Variants in GRM7 observed in about 807,000 individuals in gnomAD.
The protein encoded by GRM7 is glutamate metabotropic receptor 7.
A neutral mutation model predicts 84.5 loss-of-function variants in GRM7; 35 were observed. That is an observed-to-expected ratio of 0.41 (90% CI 0.32 to 0.55). The LOEUF (loss-of-function observed/expected upper bound fraction) is 0.55, where lower values mean the gene tolerates loss of function less well. GRM7 is among the 20% of genes least tolerant of loss of function. The pLI, the probability that GRM7 is intolerant of heterozygous loss-of-function variation, is 0.19. For missense variants in GRM7, 1,003 were observed against 1,194.6 expected, an observed-to-expected ratio of 0.84 and a Z score of 2.36; for synonymous variants, 487 against 455.1, an observed-to-expected ratio of 1.07 and a Z score of -0.89.
rs981431763 is a variant in GRM7, at chr3:7,741,329, C to T, written c.*923C>T. On this transcript the variant is annotated 3_prime_UTR_variant, in exon 10 of 10. Transcript: ENST00000357716. ...GAGGTTTTGTTCATGCCCCCTTTGA[C>T]TGATCAGTGTGATAAGGACTTTAGG... 5 of 152,442 alleles carry T rather than the reference C, an allele frequency of 3.3e-5. No individual in the cohort carries two copies. The highest frequency in any genetic ancestry group is 2.6e-4 in the Admixed American group (4 of 15,262). 9.4% of individuals were successfully genotyped at this position (152,442 alleles called of 1,614,324 possible). A position where few individuals can be genotyped will look rare whatever the true frequency, so the allele number is the denominator to read the frequency against.
chr3:7,520,125 TC>T (rs1700540013), intron 7 of GRM7: 1 of 151,982 alleles, frequency 6.6e-6, no homozygotes, highest in Admixed American at 6.6e-5. Context: ...ATAATCTTTA[TC>T]CCCCACCCAG....
chr3:7,134,655 A>C lies in GRM7; in HGVS notation c.520-11797A>C, dbSNP rs377634318. 2.6e-5 allele frequency among the ~76,000 whole-genome samples: 4 copies of C among 152,284 alleles called. No homozygotes were observed. The East Asian group carries it at 5.8e-4, about 22-fold the overall frequency. On this transcript the variant is annotated intron_variant, in intron 1 of 9. Transcript: ENST00000357716. Reference sequence around the variant, plus strand: ...ACTTGGACCAGCATCTGGATTCTGAAGTACAGCCATGTCTCCCTAAACCGC... The same window carrying C: ...ACTTGGACCAGCATCTGGATTCTGACGTACAGCCATGTCTCCCTAAACCGC...
Position 7,516,372 on chromosome 3 carries a change from G to T in GRM7, c.1515+54650G>T, listed in dbSNP as rs1700384049. On this transcript the variant is annotated intron_variant, in intron 7 of 9. Coordinates refer to ENST00000357716, the MANE Select transcript of GRM7 (RefSeq NM_000844.4). ...TGCGCCTGTAGTCCCAGCTACTTGG[G>T]GGGCTGAGGCAGGAGAATGGCGTGA... Among the ~76,000 whole-genome samples, 3 of 149,662 alleles carry T rather than the reference G, an allele frequency of 2.0e-5. No homozygotes were observed. The South Asian group carries it at 6.3e-4, about 32-fold the overall frequency.
intron 2 of GRM7, among the ~76,000 whole-genome samples, chr3:7,155,467 G>A (rs1011627250): frequency 5.3e-5 from 8 of 151,954 alleles, no homozygotes; most frequent in Non-Finnish European, 1.0e-4. Context: ...TAAAACAGAG[G>A]CATGAAAGTG....
intron 9 of GRM7, among the ~76,000 whole-genome samples, chr3:7,712,962 C>T (rs1701633760): frequency 6.6e-6 from 1 of 151,980 alleles, no homozygotes; most frequent in Non-Finnish European, 1.5e-5. Context: ...TCTGTGTCTA[C>T]CTGCCTGTGT....
intron 1 of GRM7, among the ~76,000 whole-genome samples, chr3:7,133,668 G>C (rs777270082): frequency 3.9e-5 from 6 of 152,124 alleles, no homozygotes; most frequent in African/African-American, 4.8e-5. Flanking sequence ...AAGAAGTCTA[G>C]GATCATATTT....
At chr3:7,667,400 G>C (rs1187401262) in intron 8 of GRM7, among the ~76,000 whole-genome samples, 2 of 152,178 alleles carry the variant, frequency 1.3e-5, no homozygotes, top group South Asian at 2.1e-4. Context: ...ACATTTCTGA[G>C]TACACTATGT....
At chr3:7,202,269 T>C (rs1450175698) in intron 2 of GRM7, among the ~76,000 whole-genome samples, 2 of 152,240 alleles carry the variant, frequency 1.3e-5, no homozygotes, top group Non-Finnish European at 2.9e-5. Flanking sequence ...AGCCTGTTTA[T>C]TGCCATTCCT....
intron 2 of GRM7, among the ~76,000 whole-genome samples, chr3:7,195,628 A>G (rs1253636165): frequency 6.6e-6 from 1 of 152,168 alleles, no homozygotes; most frequent in East Asian, 1.9e-4. Flanking sequence ...TCTTTAAAGC[A>G]GGAGTCTGTA....
intron 1 of GRM7, among the ~76,000 whole-genome samples, chr3:6,995,284 T>TA (rs1480391962): frequency 6.6e-6 from 1 of 152,236 alleles, no homozygotes; most frequent in African/African-American, 2.4e-5. Context: ...CTATTCCAAC[T>TA]ACTCAAGTTT....
chr3:7,073,514 C>A (rs774853412), intron 1 of GRM7, among the ~76,000 whole-genome samples: 1 of 152,026 alleles, frequency 6.6e-6, no homozygotes, highest in African/African-American at 2.4e-5. Context: ...GGAAGGTACT[C>A]GTTCCCTGAT....
At chr3:7,538,492 C>T (rs913229550) in intron 7 of GRM7, among the ~76,000 whole-genome samples, 1 of 152,190 alleles carries the variant, frequency 6.6e-6, no homozygotes, top group Non-Finnish European at 1.5e-5. Context: ...ACAACCATAC[C>T]AGGCCAGGGA....
At chr3:7,089,626 C>T (rs1233415906) in intron 1 of GRM7, among the ~76,000 whole-genome samples, 1 of 152,142 alleles carries the variant, frequency 6.6e-6, no homozygotes, top group Non-Finnish European at 1.5e-5. Flanking sequence ...TATAGACATT[C>T]AGGAAAAACA....
intron 4 of GRM7, among the ~76,000 whole-genome samples, chr3:7,309,638 C>G (rs2125039223): frequency 6.6e-6 from 1 of 152,202 alleles, no homozygotes. Flanking sequence ...AGTATGCATT[C>G]AAAATAAGCA....
At chr3:7,569,723 A>G (rs1347372802) in intron 7 of GRM7, among the ~76,000 whole-genome samples, 1 of 151,976 alleles carries the variant, frequency 6.6e-6, no homozygotes, top group East Asian at 1.9e-4. Flanking sequence ...CCATGAACCC[A>G]CCAGAGGAAG....
At chr3:7,297,025 A>G (rs1699838987) in intron 2 of GRM7, among the ~76,000 whole-genome samples, 1 of 151,586 alleles carries the variant, frequency 6.6e-6, no homozygotes, top group African/African-American at 2.4e-5. Context: ...TTTACCTTTT[A>G]TTATGTGCTT....
At chr3:7,391,089 T>C (rs1483644137) in intron 4 of GRM7, among the ~76,000 whole-genome samples, 3 of 152,112 alleles carry the variant, frequency 2.0e-5, no homozygotes, top group East Asian at 1.9e-4. Context: ...ATATTGTATA[T>C]GATCTATTGG....
At chr3:7,029,332 CA>C (rs904536285) in intron 1 of GRM7, among the ~76,000 whole-genome samples, 20 of 133,984 alleles carry the variant, frequency 1.5e-4, no homozygotes, top group Middle Eastern at 4.2e-3. Flanking sequence ...AAAAAACAAA[CA>C]AAAAAAACAT....
At chr3:7,264,648 C>A (rs1391686631) in intron 2 of GRM7, among the ~76,000 whole-genome samples, 10 of 152,134 alleles carry the variant, frequency 6.6e-5, no homozygotes, top group Admixed American at 5.2e-4. Context: ...AGGAGTGCAC[C>A]GGTATTCCAT....
Sources: gnomAD v4.1 joint callset for allele counts (sites outside exome capture counted in the v4.1 genomes callset) on GRCh38, gnomAD v4.1.1 for gene constraint, MANE v1.5 for transcripts, NCBI Gene and HGNC (gene_info 2026-07-23, HGNC 2026-07-21) for gene names.